ZDHHC15: variants seen among roughly 807,000 people sequenced by gnomAD.
The protein encoded by ZDHHC15 is zDHHC palmitoyltransferase 15.
Under a neutral mutation model 31.7 loss-of-function variants are expected in ZDHHC15, and 19 were observed. The observed-to-expected ratio is 0.60, with a 90% confidence interval of 0.42 to 0.88. The LOEUF (loss-of-function observed/expected upper bound fraction) is 0.88, where lower values mean the gene tolerates loss of function less well. Among genes scored for constraint, ZDHHC15 ranks in the 40% least tolerant of loss-of-function variants. ZDHHC15 has a pLI of 0.00. For synonymous variants in ZDHHC15, 103 were observed against 90.0 expected, an observed-to-expected ratio of 1.14 and a Z score of -0.82; for missense variants, 209 against 251.2, an observed-to-expected ratio of 0.83 and a Z score of 1.14.
At chrX:75,417,486 T>A (rs2083562004) in intron 9 of ZDHHC15, among the ~76,000 whole-genome samples, 1 of 111,942 alleles carries the variant, frequency 8.9e-6, no homozygotes, top group South Asian at 3.7e-4. Flanking sequence ...TACATATCAC[T>A]TAATGATGAT....
At chrX:75,398,511 C>A (rs2083321601) in intron 10 of ZDHHC15, among the ~76,000 whole-genome samples, 1 of 112,844 alleles carries the variant, frequency 8.9e-6, no homozygotes, top group African/African-American at 3.2e-5. Context: ...GATGACTTAG[C>A]CATTCCAACC....
At chrX:75,452,978 A>G (rs1310577342) in intron 3 of ZDHHC15, among the ~76,000 whole-genome samples, 1 of 111,937 alleles carries the variant, frequency 8.9e-6, no homozygotes, top group Non-Finnish European at 1.9e-5. Context: ...AAAGAACTAG[A>G]GAAACAAGAG....
intron 2 of ZDHHC15, among the ~76,000 whole-genome samples, chrX:75,486,107 A>G (rs1319219239): frequency 8.9e-6 from 1 of 112,490 alleles, no homozygotes; most frequent in Admixed American, 9.4e-5. Flanking sequence ...CAGCTGAAAA[A>G]CTGAGTTCCC....
At chrX:75,499,149 A>C (rs1229472912) in intron 2 of ZDHHC15, among the ~76,000 whole-genome samples, 1 of 111,666 alleles carries the variant, frequency 9.0e-6, no homozygotes, top group Non-Finnish European at 1.9e-5. Flanking sequence ...TGGATCAAAG[A>C]CTTAACCTAA....
chrX:75,473,432 A>G (rs2084535563), intron 3 of ZDHHC15, among the ~76,000 whole-genome samples: 2 of 111,115 alleles, frequency 1.8e-5, no homozygotes, highest in Admixed American at 9.6e-5. Flanking sequence ...TGTTCCCACA[A>G]CATTATGTTC....
chrX:75,372,456 G>C lies in ZDHHC15; in HGVS notation c.*522C>G, dbSNP rs2083013482. On this transcript the variant is annotated 3_prime_UTR_variant, in exon 12 of 12. Transcript: ENST00000373367. ...AGAGGAAAAGCATAATTAAACAAAG[G>C]CTTCAGGTTTTTAGCCCTGATTTTC... 1 of 111,555 alleles carries C rather than the reference G, an allele frequency of 9.0e-6. No homozygotes were observed. The highest frequency in any genetic ancestry group is 3.3e-5 in the African/African-American group (1 of 30,761). The allele number at this position is 111,555 out of a possible 1,213,427, so 9.2% of individuals were successfully genotyped here.
chrX:75,419,362 C>T (rs1443573809), intron 9 of ZDHHC15, among the ~76,000 whole-genome samples: 1 of 112,296 alleles, frequency 8.9e-6, no homozygotes, highest in Non-Finnish European at 1.9e-5. Flanking sequence ...GTCATCATCA[C>T]TGGCCATCAG....
intron 1 of ZDHHC15, among the ~76,000 whole-genome samples, chrX:75,517,187 C>T (rs1006358196): frequency 9.0e-6 from 1 of 111,608 alleles, no homozygotes; most frequent in Non-Finnish European, 1.9e-5. Context: ...GGTGATTCCT[C>T]AAGGATCTAG....
chrX:75,419,271 C>T (rs1279873558), intron 9 of ZDHHC15, among the ~76,000 whole-genome samples: 1 of 111,488 alleles, frequency 9.0e-6, no homozygotes, highest in Non-Finnish European at 1.9e-5. Flanking sequence ...CAAACAACCC[C>T]ATCAAAAAGT....
At chrX:75,442,724 C>T (rs769522986) in intron 4 of ZDHHC15, among the ~76,000 whole-genome samples, 15 of 111,307 alleles carry the variant, frequency 1.3e-4, no homozygotes, top group South Asian at 3.8e-4. Flanking sequence ...CGGTGGCTCA[C>T]GCCTGTAATC....
At chrX:75,378,931 A>G (rs1186833295) in intron 11 of ZDHHC15, among the ~76,000 whole-genome samples, 189 bp downstream of exon 11, 1 of 111,477 alleles carries the variant, frequency 9.0e-6, no homozygotes, top group Non-Finnish European at 1.9e-5. Flanking sequence ...GAATAAGGGC[A>G]TCTTTTTTTT....
rs187465658 is a variant in ZDHHC15, at chrX:75,371,381, T to C, written c.*1597A>G. ...AGAAAGTCACTAGCCCTAATAAGTGTAGTCATGTCTAGTATTCTCTCAAAT... is the reference window on the plus strand; with the variant it reads ...AGAAAGTCACTAGCCCTAATAAGTGCAGTCATGTCTAGTATTCTCTCAAAT... On this transcript the variant is annotated 3_prime_UTR_variant, in exon 12 of 12. Coordinates refer to ENST00000373367, the MANE Select transcript of ZDHHC15 (RefSeq NM_144969.3). 18 of 111,849 alleles carry C rather than the reference T, an allele frequency of 1.6e-4. No homozygotes were observed. Among genetic ancestry groups the C allele is most frequent in the African/African-American group, 5.5e-4 (17 of 30,842 alleles). 9.2% of individuals were successfully genotyped at this position (111,849 alleles called of 1,213,427 possible). A position where few individuals can be genotyped will look rare whatever the true frequency, so the allele number is the denominator to read the frequency against.
At chrX:75,451,711 T>C (rs2084121161) in intron 3 of ZDHHC15, among the ~76,000 whole-genome samples, 1 of 111,940 alleles carries the variant, frequency 8.9e-6, no homozygotes, top group South Asian at 3.7e-4. Context: ...ACATGTAAAA[T>C]AGAAGAAATA....
intron 4 of ZDHHC15, among the ~76,000 whole-genome samples, chrX:75,436,158 C>G (rs1293743219): frequency 9.0e-6 from 1 of 111,559 alleles, no homozygotes; most frequent in Non-Finnish European, 1.9e-5. Context: ...CTTGAATGAT[C>G]TTTTGTATTT....
At chrX:75,502,985 G>T (rs1317776967) in intron 2 of ZDHHC15, among the ~76,000 whole-genome samples, 2 of 109,822 alleles carry the variant, frequency 1.8e-5, no homozygotes, top group African/African-American at 6.6e-5. Flanking sequence ...ATAACTAAAT[G>T]GTATAACTGG....
chrX:75,514,410 T>C (rs1206849163), intron 1 of ZDHHC15, among the ~76,000 whole-genome samples: 6 of 111,966 alleles, frequency 5.4e-5, no homozygotes, highest in Non-Finnish European at 1.1e-4. Context: ...TAAGCTGGTA[T>C]TCAACAGGAT....
chrX:75,447,465 T>A (rs977357630), intron 4 of ZDHHC15, among the ~76,000 whole-genome samples: 3 of 112,294 alleles, frequency 2.7e-5, no homozygotes, highest in African/African-American at 9.7e-5. Context: ...TGGAATTTAC[T>A]GGTGTTATCA....
chrX:75,493,159 A>G (rs1411265902), intron 2 of ZDHHC15, among the ~76,000 whole-genome samples: 1 of 112,254 alleles, frequency 8.9e-6, no homozygotes, highest in African/African-American at 3.2e-5. Flanking sequence ...AAACACCTCT[A>G]TGAAAATAAA....
intron 1 of ZDHHC15, among the ~76,000 whole-genome samples, chrX:75,517,160 A>T (rs1455393289): frequency 8.9e-6 from 1 of 112,026 alleles, no homozygotes; most frequent in African/African-American, 3.2e-5. Context: ...TAGTTCAACC[A>T]TTGTGGCAGA....
Sources: gnomAD v4.1 joint callset for allele counts (sites outside exome capture counted in the v4.1 genomes callset) on GRCh38, gnomAD v4.1.1 for gene constraint, MANE v1.5 for transcripts, NCBI Gene and HGNC (gene_info 2026-07-23, HGNC 2026-07-21) for gene names.